The following DNAAF4 variants were observed in gnomAD, a reference collection of about 807,000 sequenced individuals.
DNAAF4 encodes dynein assembly factor 4, axonemal.
A neutral mutation model predicts 51.8 loss-of-function variants in DNAAF4; 43 were observed. The ratio of observed to expected loss-of-function variants is 0.83; its 90% CI spans 0.65 to 1.07. The LOEUF is 1.07. DNAAF4 is among the 50% of genes least tolerant of loss of function. The probability of loss-of-function intolerance (pLI) is 0.00; values close to 1 mark genes in which losing one functional copy is unlikely to be tolerated. For synonymous variants in DNAAF4, 194 were observed against 165.6 expected (o/e 1.17, Z -1.32); for missense variants, 581 against 493.0 (o/e 1.18, Z -1.69).
rs148855091 is a variant in DNAAF4, at chr15:55,505,314, T to G, written c.-256+2808A>C. Among the ~76,000 whole-genome samples, 994 of 152,238 alleles carry G rather than the reference T, an allele frequency of 6.5e-3. 33 individuals carry two copies. Among genetic ancestry groups the G allele is most frequent in the Admixed American group, 0.053 (806 of 15,282 alleles). On this transcript the variant is annotated intron_variant, in intron 1 of 9. Transcript: ENST00000321149. ...GAGAAATAGGAACACTTTTACACTT[T>G]TGGTGGGAGTGTAAATTAGTTCAAC... is the stretch of plus-strand genomic sequence containing the variant.
chr15:55,443,659 A>G (rs930819956), intron 6 of DNAAF4, among the ~76,000 whole-genome samples: 2 of 152,220 alleles, frequency 1.3e-5, no homozygotes, highest in African/African-American at 4.8e-5. Flanking sequence ...TTACAGTCCC[A>G]CCAACAGTGT....
chr15:55,420,707 A>G (rs1171544549), intron 7 of DNAAF4, among the ~76,000 whole-genome samples: 1 of 152,250 alleles, frequency 6.6e-6, no homozygotes, highest in Non-Finnish European at 1.5e-5. Context: ...CAAGTGAATT[A>G]TGCAATAACA....
At chr15:55,453,613 C>T (rs572218602) in intron 5 of DNAAF4, among the ~76,000 whole-genome samples, 17 of 144,952 alleles carry the variant, frequency 1.2e-4, no homozygotes, top group East Asian at 2.0e-4. Context: ...TGTAGTGGCG[C>T]GATCTCGGCT....
intron 1 of DNAAF4, among the ~76,000 whole-genome samples, chr15:55,499,823 A>T (rs933766046): frequency 6.6e-6 from 1 of 152,238 alleles, no homozygotes; most frequent in Non-Finnish European, 1.5e-5. Context: ...CTTATTCTAC[A>T]TATTTAAGGA....
At chr15:55,481,835 C>G (rs1259469006) in intron 4 of DNAAF4, among the ~76,000 whole-genome samples, 1 of 152,222 alleles carries the variant, frequency 6.6e-6, no homozygotes, top group Non-Finnish European at 1.5e-5. Flanking sequence ...GGGCCAGAGG[C>G]CCCTCCCTCT....
chr15:55,496,217 C>A (rs558299736), intron 3 of DNAAF4, among the ~76,000 whole-genome samples: 1 of 152,226 alleles, frequency 6.6e-6, no homozygotes, highest in East Asian at 1.9e-4. Context: ...GGTGACTGAG[C>A]GAGACTCTGT....
intron 3 of DNAAF4, among the ~76,000 whole-genome samples, chr15:55,496,489 T>C (rs965616083): frequency 1.3e-5 from 2 of 152,198 alleles, no homozygotes; most frequent in African/African-American, 2.4e-5. Context: ...ACTCAAACTT[T>C]CCATATGTCA....
intron 5 of DNAAF4, among the ~76,000 whole-genome samples, chr15:55,457,872 C>A (rs965830944): frequency 6.6e-6 from 1 of 152,176 alleles, no homozygotes; most frequent in African/African-American, 2.4e-5. Context: ...CATCACAGGG[C>A]TCTTTGCAGA....
At chr15:55,466,812 T>C (rs1305343157) in intron 5 of DNAAF4, 118 bp downstream of exon 5, 1 of 1,270,984 alleles carries the variant, frequency 7.9e-7, no homozygotes, top group African/African-American at 1.6e-5. Flanking sequence ...CTGAATTGCT[T>C]ATTCTCAATG....
intron 5 of DNAAF4, among the ~76,000 whole-genome samples, chr15:55,453,397 G>C (rs1286074208): frequency 6.6e-6 from 1 of 151,960 alleles, no homozygotes; most frequent in African/African-American, 2.4e-5. Flanking sequence ...AAGACGACTG[G>C]CTCCCCAAGA....
chr15:55,492,390 A>C (rs1013506555), intron 3 of DNAAF4, among the ~76,000 whole-genome samples: 6 of 152,024 alleles, frequency 3.9e-5, no homozygotes, highest in African/African-American at 1.4e-4. Flanking sequence ...ATGGGTTCTT[A>C]ACCTTTTTTG....
At chr15:55,462,445 C>A (rs542451455) in intron 5 of DNAAF4, among the ~76,000 whole-genome samples, 1 of 152,152 alleles carries the variant, frequency 6.6e-6, no homozygotes, top group African/African-American at 2.4e-5. Context: ...CCTGCCTTGG[C>A]CTCTCAAAGG....
At chr15:55,488,137 G>C (rs182184081) in intron 4 of DNAAF4, among the ~76,000 whole-genome samples, 2 of 144,354 alleles carry the variant, frequency 1.4e-5, no homozygotes, top group African/African-American at 5.1e-5. Context: ...TTTTTTTGCT[G>C]CGTAAGAGCG....
At chr15:55,437,110 C>A (rs547839901) in intron 7 of DNAAF4, among the ~76,000 whole-genome samples, 1 of 152,302 alleles carries the variant, frequency 6.6e-6, no homozygotes, top group East Asian at 1.9e-4. Context: ...AGCCACCGCA[C>A]CTGGCTCTAT....
intron 3 of DNAAF4, among the ~76,000 whole-genome samples, chr15:55,497,318 G>A (rs2058653839): frequency 6.6e-6 from 1 of 152,124 alleles, no homozygotes. Context: ...CTATCTGGCC[G>A]GGTGTGGTGG....
intron 3 of DNAAF4, among the ~76,000 whole-genome samples, chr15:55,493,531 T>C (rs2058601304): frequency 6.6e-6 from 1 of 151,974 alleles, no homozygotes; most frequent in South Asian, 2.1e-4. Flanking sequence ...AAATACTCCA[T>C]GTCTAATAGA....
chr15:55,489,928 C>A (rs1303118517), intron 4 of DNAAF4, among the ~76,000 whole-genome samples: 1 of 148,714 alleles, frequency 6.7e-6, no homozygotes, highest in Non-Finnish European at 1.5e-5. Context: ...GGCTGGAGTG[C>A]AGTGGCGCAA....
At chr15:55,486,703 G>A (rs978242488) in intron 4 of DNAAF4, among the ~76,000 whole-genome samples, 5 of 151,428 alleles carry the variant, frequency 3.3e-5, no homozygotes, top group East Asian at 3.9e-4. Flanking sequence ...AGGATCTCTC[G>A]AACCTGCGAG....
intron 6 of DNAAF4, among the ~76,000 whole-genome samples, chr15:55,445,760 C>A (rs2057791351): frequency 6.6e-6 from 1 of 150,674 alleles, no homozygotes; most frequent in South Asian, 2.1e-4. Context: ...GCGCTCCCCA[C>A]TTCCCAGACG....
Sources: allele counts gnomAD v4.1 joint callset (sites outside exome capture counted in the v4.1 genomes callset), GRCh38; gene constraint gnomAD v4.1.1; transcripts MANE v1.5; gene names NCBI Gene and HGNC (gene_info 2026-07-23, HGNC 2026-07-21).